The following MAP2K1 variants were observed in gnomAD, a reference collection of about 807,000 sequenced individuals.
The protein encoded by MAP2K1 is dual specificity mitogen-activated protein kinase kinase 1.
Under a neutral mutation model 46.3 loss-of-function variants are expected in MAP2K1, and 16 were observed. The observed-to-expected ratio is 0.35, with a 90% CI of 0.23 to 0.52. The LOEUF is 0.52. MAP2K1 is among the 20% of genes least tolerant of loss of function. MAP2K1 has a pLI of 0.94. For synonymous variants in MAP2K1, 183 were observed against 185.6 expected (o/e 0.99, Z 0.11); for missense variants, 263 against 497.1 (o/e 0.53, Z 4.48).
chr15:66,478,986 G>A (rs1368817800), intron 5 of MAP2K1, among the ~76,000 whole-genome samples: 1 of 152,156 alleles, frequency 6.6e-6, no homozygotes, highest in Non-Finnish European at 1.5e-5. Flanking sequence ...AGCAGGGTGG[G>A]TAGAAGAGGA....
intron 5 of MAP2K1, among the ~76,000 whole-genome samples, chr15:66,469,918 C>G (rs1048731480): frequency 2.0e-5 from 3 of 150,990 alleles, no homozygotes; most frequent in African/African-American, 7.3e-5. Flanking sequence ...AAGGCAGAAC[C>G]TTATGTATGG....
chr15:66,474,673 TCTAACC>T (rs1282707461), intron 5 of MAP2K1, among the ~76,000 whole-genome samples: 1 of 152,142 alleles, frequency 6.6e-6, no homozygotes, highest in East Asian at 1.9e-4. Flanking sequence ...GGGTCTGAGT[TCTAACC>T]CTTGGCCCTA....
chr15:66,419,283 G>A (rs1312536454), intron 1 of MAP2K1, among the ~76,000 whole-genome samples: 2 of 151,962 alleles, frequency 1.3e-5, no homozygotes, highest in Non-Finnish European at 2.9e-5. Context: ...ACTTTGGGAG[G>A]CCGAGGCGGA....
At chr15:66,392,225 G>A (rs2093357496) in intron 1 of MAP2K1, among the ~76,000 whole-genome samples, 1 of 133,870 alleles carries the variant, frequency 7.5e-6, no homozygotes. Flanking sequence ...GGAAGGGGGA[G>A]AACCACGAAT....
intron 5 of MAP2K1, among the ~76,000 whole-genome samples, chr15:66,448,014 G>A (rs1265776125): frequency 3.3e-5 from 5 of 151,856 alleles, no homozygotes; most frequent in Admixed American, 1.3e-4. Context: ...TTAGCCAGGC[G>A]TGGTGGCACA....
At chr15:66,420,193 G>A (rs969702832) in intron 1 of MAP2K1, among the ~76,000 whole-genome samples, 1 of 151,572 alleles carries the variant, frequency 6.6e-6, no homozygotes, top group Non-Finnish European at 1.5e-5. Context: ...GTGGTGAACC[G>A]AGATCACACC....
At chr15:66,390,067 T>A (rs1292702315) in intron 1 of MAP2K1, among the ~76,000 whole-genome samples, 1 of 152,168 alleles carries the variant, frequency 6.6e-6, no homozygotes, top group Non-Finnish European at 1.5e-5. Flanking sequence ...GGAAGGTGAT[T>A]TTCATTCATG....
At chr15:66,397,498 C>T (rs1197737276) in intron 1 of MAP2K1, among the ~76,000 whole-genome samples, 1 of 152,314 alleles carries the variant, frequency 6.6e-6, no homozygotes, top group East Asian at 1.9e-4. Flanking sequence ...ACTTTATGAT[C>T]ACTGGAATGC....
At chr15:66,461,116 G>A (rs565238999) in intron 5 of MAP2K1, among the ~76,000 whole-genome samples, 1 of 152,270 alleles carries the variant, frequency 6.6e-6, no homozygotes, top group South Asian at 2.1e-4. Context: ...TGGACACATA[G>A]GAATGAAACT....
chr15:66,476,991 T>A (rs1892768405), intron 5 of MAP2K1, among the ~76,000 whole-genome samples: 1 of 152,152 alleles, frequency 6.6e-6, no homozygotes, highest in Admixed American at 6.5e-5. Context: ...GCTCTGGGGT[T>A]CAGTGATCTC....
chr15:66,441,021 G>A lies in MAP2K1; in HGVS notation c.439-2259G>A, dbSNP rs186725952. Among the ~76,000 whole-genome samples, 446 of 152,212 alleles carry A rather than the reference G, an allele frequency of 2.9e-3. 3 individuals are homozygous for A. The highest frequency in any genetic ancestry group is 4.1e-3 in the Non-Finnish European group (279 of 68,022). On this transcript the variant is annotated intron_variant, in intron 3 of 10. Transcript: ENST00000307102. ...TCTGTTGCCCAGGCTGGAGTGTGGTGGCATGATCATAGGTCACTATAACTT... is the reference window on the plus strand; with the variant it reads ...TCTGTTGCCCAGGCTGGAGTGTGGTAGCATGATCATAGGTCACTATAACTT...
intron 10 of MAP2K1, chr15:66,490,237 G>A (rs1377524817): frequency 1.6e-6 from 1 of 606,078 alleles, no homozygotes; most frequent in African/African-American, 1.9e-5. Flanking sequence ...ACAAGCCTGT[G>A]AGGCATTTAA....
chr15:66,411,958 A>G (rs1280194682), intron 1 of MAP2K1, among the ~76,000 whole-genome samples: 1 of 152,222 alleles, frequency 6.6e-6, no homozygotes. Flanking sequence ...AGCAGAGTTA[A>G]TAGAGGGCTC....
intron 9 of MAP2K1, 135 bp downstream of exon 9, chr15:66,489,411 G>T: frequency 1.2e-6 from 1 of 851,922 alleles, no homozygotes. Context: ...ATTCTTGGCT[G>T]CTGCCATAAG....
At chr15:66,417,087 A>G (rs959023433) in intron 1 of MAP2K1, among the ~76,000 whole-genome samples, 4 of 152,204 alleles carry the variant, frequency 2.6e-5, no homozygotes, top group African/African-American at 9.7e-5. Context: ...GTGAACAGGT[A>G]TTGTTAGCCC....
chr15:66,459,617 C>G lies in MAP2K1; in HGVS notation c.568+14910C>G, dbSNP rs12594978. ...TGGATGACAGAGCAAGACACCATCT[C>G]AAAAAAAAAAAAAAATTTTTTTTGT... On this transcript the variant is annotated intron_variant, in intron 5 of 10. Transcript: ENST00000307102. 4.0e-3 allele frequency among the ~76,000 whole-genome samples: 569 copies of G among 143,258 alleles called. 5 individuals are homozygous for G. Among genetic ancestry groups the G allele is most frequent in the East Asian group, 0.022 (110 of 4,948 alleles). 94.0% of individuals were successfully genotyped at this position (143,258 alleles called of 152,430 possible).
intron 1 of MAP2K1, among the ~76,000 whole-genome samples, chr15:66,429,243 G>A (rs1009713653): frequency 6.6e-6 from 1 of 152,142 alleles, no homozygotes; most frequent in Non-Finnish European, 1.5e-5. Flanking sequence ...ACGGCATAAG[G>A]CAAAGGGGAA....
chr15:66,469,705 C>CACACACACAA (rs2140647418), intron 5 of MAP2K1, among the ~76,000 whole-genome samples: 1 of 141,010 alleles, frequency 7.1e-6, no homozygotes, highest in East Asian at 2.2e-4. Context: ...CACACACACA[C>CACACACACAA]ACACACACAC....
intron 6 of MAP2K1, 77 bp downstream of exon 6, chr15:66,481,956 A>T: frequency 6.5e-7 from 1 of 1,548,076 alleles, no homozygotes; most frequent in East Asian, 2.4e-5. Flanking sequence ...TTTCCTGTGG[A>T]GCCAGAGTCT....
Sources: allele counts gnomAD v4.1 joint callset (sites outside exome capture counted in the v4.1 genomes callset), GRCh38; gene constraint gnomAD v4.1.1; transcripts MANE v1.5; gene names NCBI Gene and HGNC (gene_info 2026-07-23, HGNC 2026-07-21).